Variants in KCNIP4 observed in about 807,000 individuals in gnomAD.
KCNIP4 encodes the protein potassium voltage-gated channel interacting protein 4, also known as Kv channel-interacting protein 4.
A neutral mutation model predicts 34.0 loss-of-function variants in KCNIP4; 12 were observed. The observed-to-expected ratio is 0.35, with a 90% CI of 0.23 to 0.57. The LOEUF (loss-of-function observed/expected upper bound fraction) is 0.57, where lower values mean the gene tolerates loss of function less well. Among genes scored for constraint, KCNIP4 ranks in the 20% least tolerant of loss-of-function variants. KCNIP4 has a pLI of 0.83. For synonymous variants in KCNIP4, 124 were observed against 102.2 expected (o/e 1.21, Z -1.29); for missense variants, 238 against 311.7 (o/e 0.76, Z 1.78).
At chr4:21,073,213 T>C (rs1249447626) in intron 1 of KCNIP4, among the ~76,000 whole-genome samples, 2 of 152,184 alleles carry the variant, frequency 1.3e-5, no homozygotes, top group Non-Finnish European at 2.9e-5. Context: ...GGGGATGGCA[T>C]TGAATCTATA....
At chr4:20,937,197 T>C (rs971364724) in intron 1 of KCNIP4, among the ~76,000 whole-genome samples, 4 of 148,614 alleles carry the variant, frequency 2.7e-5, no homozygotes, top group Non-Finnish European at 1.5e-5. Flanking sequence ...ACTTAGGGCA[T>C]GAGCAAAAGG....
At chr4:21,075,870 A>G (rs1350167136) in intron 1 of KCNIP4, among the ~76,000 whole-genome samples, 1 of 152,064 alleles carries the variant, frequency 6.6e-6, no homozygotes, top group African/African-American at 2.4e-5. Flanking sequence ...CTTGTCTGTA[A>G]AGGATTTTAT....
intron 1 of KCNIP4, chr4:21,849,034 T>C (rs1157550606): frequency 6.6e-6 from 1 of 151,768 alleles, no homozygotes; most frequent in South Asian, 2.1e-4. Flanking sequence ...CAAACCTTAG[T>C]TGTATTTTTA....
chr4:21,652,251 G>T (rs559183682), intron 1 of KCNIP4, among the ~76,000 whole-genome samples: 2 of 152,244 alleles, frequency 1.3e-5, no homozygotes, highest in Admixed American at 1.3e-4. Context: ...GTTGTGGCAG[G>T]CTTTGTCAGC....
chr4:21,694,809 G>A lies in KCNIP4; in HGVS notation c.61+253762C>T, dbSNP rs533928985. ...ATGTTTGTATAAATGGCCCATTGTG[G>A]TATCAAATGAGAAGCAGCTGCCAAA... On this transcript the variant is annotated intron_variant, in intron 1 of 8. Transcript: ENST00000382152. Among the ~76,000 whole-genome samples the A allele has an allele frequency of 1.8e-4, 27 of 150,964 alleles. No individual in the cohort carries two copies. The East Asian group carries it at 4.1e-3, about 23-fold the overall frequency.
At chr4:21,338,771 G>C (rs996996548) in intron 1 of KCNIP4, among the ~76,000 whole-genome samples, 1 of 151,526 alleles carries the variant, frequency 6.6e-6, no homozygotes, top group Non-Finnish European at 1.5e-5. Context: ...TTAATCCTTC[G>C]TGGCCCAGAT....
intron 1 of KCNIP4, among the ~76,000 whole-genome samples, chr4:21,481,258 T>C (rs1470732110): frequency 6.6e-6 from 1 of 152,148 alleles, no homozygotes; most frequent in African/African-American, 2.4e-5. Flanking sequence ...AAGGTAGTAA[T>C]AGAACACAAT....
At chr4:21,786,052 G>A (rs1304046116) in intron 1 of KCNIP4, among the ~76,000 whole-genome samples, 6 of 152,164 alleles carry the variant, frequency 3.9e-5, no homozygotes, top group South Asian at 2.1e-4. Flanking sequence ...GATTTCAAGC[G>A]ATTCCCCTGC....
rs571963381 is a variant in KCNIP4 at position 21,066,611 on chromosome 4, T to C, written c.62-183902A>G. Among the ~76,000 whole-genome samples the C allele has an allele frequency of 6.6e-5, 10 of 152,214 alleles. No homozygotes were observed. In the South Asian group the frequency reaches 1.9e-3, roughly 28 times the overall value. ...GGGAGAATGCAGTGATTGTGAGACTTAGCATTGGAACTCAGTGCTGTCCTG... is the reference window on the plus strand; with the variant it reads ...GGGAGAATGCAGTGATTGTGAGACTCAGCATTGGAACTCAGTGCTGTCCTG... On this transcript the variant is annotated intron_variant, in intron 1 of 8. Coordinates refer to ENST00000382152, the MANE Select transcript of KCNIP4 (RefSeq NM_025221.6).
intron 1 of KCNIP4, among the ~76,000 whole-genome samples, chr4:21,183,399 C>T (rs1312066223): frequency 1.3e-5 from 2 of 150,844 alleles, no homozygotes; most frequent in Non-Finnish European, 3.0e-5. Context: ...TTTGCTGGAT[C>T]ACATGGAATT....
intron 1 of KCNIP4, among the ~76,000 whole-genome samples, chr4:21,188,369 A>G (rs971943377): frequency 6.6e-6 from 1 of 152,176 alleles, no homozygotes; most frequent in Non-Finnish European, 1.5e-5. Context: ...ACCAAAGGCC[A>G]CAAGTCCCAA....
chr4:20,768,577 C>G (rs572396225), intron 3 of KCNIP4, among the ~76,000 whole-genome samples: 2 of 152,260 alleles, frequency 1.3e-5, no homozygotes, highest in East Asian at 3.9e-4. Flanking sequence ...TGTTTGAACT[C>G]CTAGCAACTC....
intron 1 of KCNIP4, among the ~76,000 whole-genome samples, chr4:21,151,406 ATTTTTTTTTTTTT>A (rs35983306): frequency 2.0e-5 from 1 of 51,276 alleles, no homozygotes; most frequent in Admixed American, 2.6e-4. Flanking sequence ...ACAAAAGACA[ATTTTTTTTTTTTT>A]TTTTTTTTTT....
intron 1 of KCNIP4, among the ~76,000 whole-genome samples, chr4:21,199,282 G>A (rs1054810830): frequency 6.6e-6 from 1 of 152,162 alleles, no homozygotes; most frequent in Non-Finnish European, 1.5e-5. Flanking sequence ...GTGTGAGATG[G>A]TATCTCATTG....
chr4:20,960,078 G>A (rs920019), intron 1 of KCNIP4, among the ~76,000 whole-genome samples: 13,304 of 152,062 alleles, frequency 0.087, 669 homozygotes, highest in African/African-American at 0.13. Context: ...AAATAAATAC[G>A]TCAACAGTGT....
intron 1 of KCNIP4, among the ~76,000 whole-genome samples, chr4:21,853,339 G>C (rs534808312): frequency 1.3e-5 from 2 of 152,102 alleles, no homozygotes; most frequent in African/African-American, 2.4e-5. Flanking sequence ...GCAAAACACC[G>C]GTCTGGGAAA....
At position 21,065,420 on chromosome 4, in the gene KCNIP4, C is replaced by T. The variant is rs145828859; in HGVS notation, c.62-182711G>A. Among the ~76,000 whole-genome samples the T allele has an allele frequency of 1.2e-3, 178 of 152,132 alleles. 5 individuals carry two copies. The East Asian group carries it at 0.016, about 14-fold the overall frequency. ...AAGATTTCATATGCATGACAAAGCC[C>T]ATCTACTCCTACAATTGGTTTGATT... On this transcript the variant is annotated intron_variant, in intron 1 of 8. Coordinates refer to ENST00000382152, the MANE Select transcript of KCNIP4 (RefSeq NM_025221.6).
chr4:21,423,734 C>T (rs1725693446), intron 1 of KCNIP4, among the ~76,000 whole-genome samples: 1 of 152,218 alleles, frequency 6.6e-6, no homozygotes, highest in South Asian at 2.1e-4. Context: ...AGAGACAAAA[C>T]CATGCTACCA....
At chr4:20,931,099 G>C (rs1480939578) in intron 1 of KCNIP4, among the ~76,000 whole-genome samples, 1 of 151,834 alleles carries the variant, frequency 6.6e-6, no homozygotes, top group Non-Finnish European at 1.5e-5. Context: ...CATGCTCATT[G>C]CATCTATTCA....
Sources: allele counts gnomAD v4.1 joint callset (sites outside exome capture counted in the v4.1 genomes callset), GRCh38; gene constraint gnomAD v4.1.1; transcripts MANE v1.5; gene names NCBI Gene and HGNC (gene_info 2026-07-23, HGNC 2026-07-21).